RBBP6: variants seen among roughly 807,000 people sequenced by gnomAD.
The protein encoded by RBBP6 is E3 ubiquitin-protein ligase RBBP6.
RBBP6 carries 25 observed loss-of-function variants against 167.7 expected under a neutral mutation model. That is an observed-to-expected ratio of 0.15 (90% CI 0.11 to 0.21). The LOEUF (loss-of-function observed/expected upper bound fraction) is 0.21. Among genes scored for constraint, RBBP6 ranks in the 10% least tolerant of loss-of-function variants. The pLI is 1.00. For synonymous variants in RBBP6, 789 were observed against 735.8 expected (o/e 1.07, Z -1.17); for missense variants, 1,868 against 2,134.2 (o/e 0.88, Z 2.46).
At chr16:24,541,189 A>AC (rs1355609449) in intron 1 of RBBP6, among the ~76,000 whole-genome samples, 3 of 79,878 alleles carry the variant, frequency 3.8e-5, no homozygotes, top group African/African-American at 1.9e-4. Flanking sequence ...AGCAAAAAAA[A>AC]AAACAAAAAA....
At position 24,559,491 on chromosome 16, in the gene RBBP6, A is replaced by G. The variant is rs1428324793; in HGVS notation, c.675-14A>G. On this transcript the variant is annotated splice_polypyrimidine_tract_variant and intron_variant, in intron 7 of 17. Coordinates refer to ENST00000319715, the MANE Select transcript of RBBP6 (RefSeq NM_006910.5). The stretch of plus-strand genomic sequence containing the variant: ...TTCTTAACAATGGTAAAACATGAAA[A>G]CTTTCTTTTACAGAGAAGCATATGC... 6.3e-7 allele frequency: 1 copy of G among 1,581,234 alleles called. No individual in the cohort carries two copies. Among genetic ancestry groups the G allele is most frequent in the Non-Finnish European group, 8.6e-7 (1 of 1,164,246 alleles).
chr16:24,555,796 A>G, intron 5 of RBBP6, 25 bp from the exon 6 acceptor site: 1 of 1,586,234 alleles, frequency 6.3e-7, no homozygotes, highest in Non-Finnish European at 8.7e-7. Flanking sequence ...CCTCGTATAC[A>G]TGTAATTTTT....
chr16:24,561,043 C>T (rs1202819137), intron 8 of RBBP6, among the ~76,000 whole-genome samples: 1 of 131,602 alleles, frequency 7.6e-6, no homozygotes, highest in South Asian at 2.4e-4. Context: ...GCTTAATCTT[C>T]GTATCTGTAA....
chr16:24,572,414 A>G lies in RBBP6; in HGVS notation c.5348A>G (p.Asp1783Gly), dbSNP rs763000119. The change falls in exon 18 of 18, where the codon GAT (aspartate) becomes GGT (glycine). Residue 1783 changes from aspartate to glycine, a missense_variant. By Grantham distance (94) the Asp-to-Gly change is moderately conservative. This residue lies in a region of RBBP6 where 591 missense variants were observed against 540.5 expected (regional missense o/e 1.09). Transcript: ENST00000319715. Reference sequence around the variant, plus strand: ...GATAAAGAGAAGGAGAAGGAGAAAGATGACCAAAAAGTGAAATCTGTCACT... The same window carrying G: ...GATAAAGAGAAGGAGAAGGAGAAAGGTGACCAAAAAGTGAAATCTGTCACT... ...NKDKEKEKEK[D>G]DQKVKSVTV The G allele has an allele frequency of 3.9e-6, 6 of 1,531,562 alleles. No individual in the cohort carries two copies. Among genetic ancestry groups the G allele is most frequent in the South Asian group, 1.3e-5 (1 of 79,496 alleles). 94.9% of individuals were successfully genotyped at this position (1,531,562 alleles called of 1,614,324 possible).
intron 2 of RBBP6, among the ~76,000 whole-genome samples, chr16:24,547,409 T>C (rs1404223645): frequency 6.6e-6 from 1 of 152,214 alleles, no homozygotes; most frequent in Non-Finnish European, 1.5e-5. Context: ...TTCTTAACTT[T>C]AAATGATTCT....
intron 3 of RBBP6, chr16:24,549,248 A>AGTTAATG: frequency 7.7e-7 from 1 of 1,300,722 alleles, no homozygotes; most frequent in Non-Finnish European, 9.8e-7. Flanking sequence ...TGTGTTGTAC[A>AGTTAATG]GTTAATGTAT....
Position 24,561,895 on chromosome 16 carries a change from C to T in RBBP6, c.1023C>T (p.Pro341=). 6.2e-7 allele frequency: 1 copy of T among 1,614,074 alleles called. No individual in the cohort carries two copies. The highest frequency in any genetic ancestry group is 1.1e-5 in the South Asian group (1 of 91,060). ...GAAAACAGTTACCTCCTCCACCACCCCCAATACCACCTCCGAGACCACTGA... is the reference window on the plus strand; with the variant it reads ...GAAAACAGTTACCTCCTCCACCACCTCCAATACCACCTCCGAGACCACTGA... ...RLRKQLPPPP[P]PIPPPRPLIQ... The change falls in exon 10 of 18, where the codon CCC becomes CCT. Residue 341 remains proline (P), a synonymous_variant. Coordinates refer to ENST00000319715, the MANE Select transcript of RBBP6 (RefSeq NM_006910.5).
In RBBP6 at chr16:24,559,623, A is replaced by G. The variant is rs1220089101; in HGVS notation, c.793A>G (p.Ile265Val). The G allele has an allele frequency of 1.3e-6, 2 of 1,600,006 alleles. No homozygotes were observed. Among genetic ancestry groups the G allele is most frequent in the South Asian group, 2.3e-5 (2 of 87,764 alleles). Reference protein sequence around the residue: ...DELLCLICKDIMTDAVVIPCC... With the variant: ...DELLCLICKDVMTDAVVIPCC... ...ATTGTTGTGTCTCATCTGCAAGGATATTATGACTGATGCTGTTGTGATTCC... is the reference window on the plus strand; with the variant it reads ...ATTGTTGTGTCTCATCTGCAAGGATGTTATGACTGATGCTGTTGTGATTCC... The change falls in exon 8 of 18, where the codon ATT (isoleucine) becomes GTT (valine). Residue 265 changes from isoleucine to valine, a missense_variant. Physicochemically the swap from Ile to Val is conservative, Grantham distance 29 (BLOSUM62 3). Coordinates refer to ENST00000319715, the MANE Select transcript of RBBP6 (RefSeq NM_006910.5).
rs771265072 is a variant in RBBP6 at position 24,567,940 on chromosome 16, G to T, written c.2054+47G>T. On this transcript the variant is annotated intron_variant, in intron 16 of 17. Coordinates refer to ENST00000319715, the MANE Select transcript of RBBP6 (RefSeq NM_006910.5). ...ACAACAGAATTACAAACGGGACTTT[G>T]AATATCCAGGGATTAGCTATGGATA... is the stretch of plus-strand genomic sequence containing the variant. The T allele has an allele frequency of 2.7e-6, 4 of 1,459,020 alleles. No homozygotes were observed. In the South Asian group the frequency reaches 4.6e-5, roughly 17 times the overall value. The allele number at this position is 1,459,020 out of a possible 1,614,324, so 90.4% of individuals were successfully genotyped here.
At chr16:24,558,132 G>T (rs911948688) in intron 7 of RBBP6, among the ~76,000 whole-genome samples, 34 of 152,120 alleles carry the variant, frequency 2.2e-4, no homozygotes, top group Non-Finnish European at 7.4e-5. Context: ...TCTATATTAT[G>T]TAAAATTTTT....
In RBBP6 at chr16:24,572,062, A is replaced by G; in HGVS notation, c.4996A>G (p.Lys1666Glu). 1 of 1,614,166 alleles carries G rather than the reference A, an allele frequency of 6.2e-7. No homozygotes were observed. Among genetic ancestry groups the G allele is most frequent in the Non-Finnish European group, 8.5e-7 (1 of 1,180,036 alleles). Residue 1666 changes from lysine to glutamate, a missense_variant, in exon 18 of 18, where the codon AAA becomes GAA. By Grantham distance (56) the Lys-to-Glu change is moderately conservative. Coordinates refer to ENST00000319715, the MANE Select transcript of RBBP6 (RefSeq NM_006910.5). ...ESSGNISKDL[K>E]DKIVEKAKES... is the part of the protein sequence containing the mutation. ...TTCAGGAAACATTTCTAAGGACCTG[A>G]AAGATAAAATAGTGGAGAAAGCAAA... is the stretch of plus-strand genomic sequence containing the variant.
At position 24,572,067 on chromosome 16, in the gene RBBP6, T is replaced by A; in HGVS notation, c.5001T>A (p.Asp1667Glu). Residue 1667 changes from aspartate (D) to glutamate (E), a missense_variant, in exon 18 of 18, where the codon GAT (aspartate) becomes GAA (glutamate). By Grantham distance (45) the Asp-to-Glu change is conservative (BLOSUM62 2). Coordinates refer to ENST00000319715, the MANE Select transcript of RBBP6 (RefSeq NM_006910.5). Reference protein sequence around the residue: ...SSGNISKDLKDKIVEKAKESL... With the variant: ...SSGNISKDLKEKIVEKAKESL... ...GAAACATTTCTAAGGACCTGAAAGA[T>A]AAAATAGTGGAGAAAGCAAAAGAGA... 1 of 1,613,948 alleles carries A rather than the reference T, an allele frequency of 6.2e-7. No individual in the cohort carries two copies. Among genetic ancestry groups the A allele is most frequent in the Non-Finnish European group, 8.5e-7 (1 of 1,179,992 alleles).
At chr16:24,553,835 A>G (rs1898854796) in intron 4 of RBBP6, 1 of 206,366 alleles carries the variant, frequency 4.8e-6, no homozygotes, top group African/African-American at 2.3e-5. Flanking sequence ...GTTTAATTAT[A>G]CATTGGAAAC....
intron 14 of RBBP6, 128 bp downstream of exon 14, chr16:24,564,993 T>C: frequency 7.2e-7 from 1 of 1,393,934 alleles, no homozygotes; most frequent in Non-Finnish European, 9.4e-7. Context: ...TTATCCCTCT[T>C]AAGTCCTGGG....
chr16:24,541,332 C>A (rs1022776755), intron 1 of RBBP6, among the ~76,000 whole-genome samples: 1 of 151,888 alleles, frequency 6.6e-6, no homozygotes, highest in African/African-American at 2.4e-5. Context: ...GGGATCTGAA[C>A]TTTAATATTT....
intron 4 of RBBP6, 99 bp from the exon 5 acceptor site, chr16:24,555,516 G>A: frequency 1.1e-6 from 1 of 899,112 alleles, no homozygotes; most frequent in Non-Finnish European, 1.7e-6. Flanking sequence ...TGCAAGATTA[G>A]TTAGATACTG....
Position 24,570,056 on chromosome 16 carries a change from G to A in RBBP6, c.3366G>A (p.Lys1122=), listed in dbSNP as rs925346178. The change falls in exon 17 of 18, where the codon AAG becomes AAA. Residue 1122 remains lysine, a synonymous_variant. Coordinates refer to ENST00000319715, the MANE Select transcript of RBBP6 (RefSeq NM_006910.5). ...ATTCCAAAGATGTCAAATCAGAAAAGCTAACAACTAAGGAAGAAAAGGCCA... is the reference window on the plus strand; with the variant it reads ...ATTCCAAAGATGTCAAATCAGAAAAACTAACAACTAAGGAAGAAAAGGCCA... ...KDYSKDVKSE[K]LTTKEEKAKK... is the part of the protein sequence containing the mutation. 6.2e-7 allele frequency: 1 copy of A among 1,608,266 alleles called. No homozygotes were observed. The highest frequency in any genetic ancestry group is 1.7e-5 in the Admixed American group (1 of 58,590).
chr16:24,565,002 G>A, intron 14 of RBBP6, 137 bp downstream of exon 14: 1 of 1,343,088 alleles, frequency 7.4e-7, no homozygotes. Flanking sequence ...TTAAGTCCTG[G>A]GTAGTTGTCC....
chr16:24,569,438 A>C lies in RBBP6; in HGVS notation c.2748A>C (p.Ser916=), dbSNP rs1410806688. ...DGHNQKDNTK[S]KEKESENAPG... is the part of the protein sequence containing the mutation. ...ACAATCAGAAGGATAATACAAAGTC[A>C]AAAGAGAAGGAGAGTGAAAACGCTC... is the stretch of plus-strand genomic sequence containing the variant. Residue 916 remains serine (S), a synonymous_variant, in exon 17 of 18, where the codon TCA becomes TCC. Transcript: ENST00000319715. 1 of 1,613,940 alleles carries C rather than the reference A, an allele frequency of 6.2e-7. No homozygotes were observed. The highest frequency in any genetic ancestry group is 1.7e-5 in the Admixed American group (1 of 59,940).
Sources: allele counts gnomAD v4.1 joint callset (sites outside exome capture counted in the v4.1 genomes callset), GRCh38; gene constraint gnomAD v4.1.1; regional missense constraint gnomAD v4.1.1; transcripts MANE v1.5; gene names NCBI Gene and HGNC (gene_info 2026-07-23, HGNC 2026-07-21).